Variants in LRRC41 observed in about 807,000 individuals in gnomAD.
LRRC41 encodes leucine rich repeat containing 41, also known as leucine-rich repeat-containing protein 41.
LRRC41 carries 17 observed loss-of-function variants against 72.1 expected under a neutral mutation model. The observed-to-expected ratio is 0.24, with a 90% CI of 0.16 to 0.35. The LOEUF is 0.35. LRRC41 is among the 10% of genes least tolerant of loss of function. LRRC41 has a pLI of 1.00. For synonymous variants in LRRC41, 427 were observed against 431.0 expected, an observed-to-expected ratio of 0.99 and a Z score of 0.11; for missense variants, 759 against 1,065.0, an observed-to-expected ratio of 0.71 and a Z score of 4.00.
rs144396030 is a variant in LRRC41, at chr1:46,302,997, A to G, written c.199+127T>C. 35 of 1,307,954 alleles carry G rather than the reference A, an allele frequency of 2.7e-5. No individual in the cohort carries two copies. The East Asian group carries it at 1.1e-3, about 41-fold the overall frequency. The allele number at this position is 1,307,954 out of a possible 1,614,324, so 81.0% of individuals were successfully genotyped here. A position where few individuals can be genotyped will look rare whatever the true frequency, so the allele number is the denominator to read the frequency against. Reference sequence around the variant, plus strand: ...GTCACAAAATTCATTCTCCGATCCTACGAGCTGGCTTTCAGCGCCCCAGGC... The same window carrying G: ...GTCACAAAATTCATTCTCCGATCCTGCGAGCTGGCTTTCAGCGCCCCAGGC... On this transcript the variant is annotated intron_variant, in intron 1 of 9. Transcript: ENST00000617190. This position sits in a 1 kb window ranked among gnomAD's most constrained non-coding sequence, Gnocchi z 4.7.
Position 46,302,430 on chromosome 1 carries a change from ACGGTCGCT to A in LRRC41, c.199+686_199+693del. The stretch of plus-strand genomic sequence containing the variant: ...CGGCGCTCCCTGTCCTGCGGGTCGC[ACGGTCGCT>A]CGGTCGCTTAGTCAGTTTGGCACCC... On this transcript the variant is annotated intron_variant, in intron 1 of 9. Transcript: ENST00000617190. The surrounding 1 kb of genome is among the most constrained non-coding windows in gnomAD (Gnocchi z 4.7). The A allele has an allele frequency of 3.0e-6, 3 of 984,854 alleles. No homozygotes were observed. Among genetic ancestry groups the A allele is most frequent in the Non-Finnish European group, 3.6e-6 (3 of 829,810 alleles). The allele number at this position is 984,854 out of a possible 1,614,324, so 61.0% of individuals were successfully genotyped here.
Position 46,303,484 on chromosome 1 carries a change from T to C in LRRC41, c.-162A>G, listed in dbSNP as rs1661293435. On this transcript the variant is annotated 5_prime_UTR_variant, in exon 1 of 10. Transcript: ENST00000617190. ...TTTCCAAGTCTCTTAGGAGCTACTATTTTAGATAAACTCCTAGATCAATTA... is the reference window on the plus strand; with the variant it reads ...TTTCCAAGTCTCTTAGGAGCTACTACTTTAGATAAACTCCTAGATCAATTA... 3 of 779,344 alleles carry C rather than the reference T, an allele frequency of 3.8e-6. No homozygotes were observed. Among genetic ancestry groups the C allele is most frequent in the Non-Finnish European group, 6.0e-6 (3 of 503,044 alleles). The allele number at this position is 779,344 out of a possible 1,614,324, so 48.3% of individuals were successfully genotyped here. A position where few individuals can be genotyped will look rare whatever the true frequency, so the allele number is the denominator to read the frequency against.
At chr1:46,294,687 T>C (rs992741738) in intron 3 of LRRC41, among the ~76,000 whole-genome samples, 18 of 145,690 alleles carry the variant, frequency 1.2e-4, no homozygotes, top group Admixed American at 1.2e-3. Flanking sequence ...CTCTGCCTCC[T>C]GGGTTCAAGC....
chr1:46,291,561 T>TG (rs1312777541), intron 3 of LRRC41, among the ~76,000 whole-genome samples: 6 of 139,972 alleles, frequency 4.3e-5, no homozygotes, highest in African/African-American at 1.6e-4. Flanking sequence ...GGTTTTTTTT[T>TG]TTTTTTTTTT....
chr1:46,303,596 G>C lies in LRRC41; in HGVS notation c.-274C>G. ...CAGCTACCCCTAACCTCTGCCTGCG[G>C]CTGGTAGTACATGCCAATCTGAGCA... On this transcript the variant is annotated 5_prime_UTR_variant, in exon 1 of 10. Transcript: ENST00000617190. The C allele has an allele frequency of 9.8e-7, 1 of 1,016,280 alleles. No individual in the cohort carries two copies. The highest frequency in any genetic ancestry group is 1.6e-5 in the African/African-American group (1 of 62,194). The allele number at this position is 1,016,280 out of a possible 1,614,324, so 63.0% of individuals were successfully genotyped here.
Position 46,286,535 on chromosome 1 carries a change from T to C in LRRC41, c.358-36A>G. 1.3e-6 allele frequency: 2 copies of C among 1,549,052 alleles called. No homozygotes were observed. Among genetic ancestry groups the C allele is most frequent in the South Asian group, 2.5e-5 (2 of 80,746 alleles). ...GAAAACATGCCAGACAGCCATGATA[T>C]ATCCATGAAACTGTCCAAATTTCCC... On this transcript the variant is annotated intron_variant, in intron 3 of 9. Coordinates refer to ENST00000617190, the MANE Select transcript of LRRC41 (RefSeq NM_006369.5). The surrounding 1 kb of genome is among the most constrained non-coding windows in gnomAD (Gnocchi z 5.5).
Position 46,278,412 on chromosome 1 carries a change from A to C in LRRC41, c.*453T>G. ...AAGAAGGGCTGCATGATGTTTGCCC[A>C]AAATTTATTTTATAAGAAAAACTTT... is the stretch of plus-strand genomic sequence containing the variant. On this transcript the variant is annotated 3_prime_UTR_variant, in exon 10 of 10. Coordinates refer to ENST00000617190, the MANE Select transcript of LRRC41 (RefSeq NM_006369.5). The C allele has an allele frequency of 9.1e-7, 1 of 1,098,666 alleles. No homozygotes were observed. Among genetic ancestry groups the C allele is most frequent in the South Asian group, 1.4e-5 (1 of 70,744 alleles). 68.1% of individuals were successfully genotyped at this position (1,098,666 alleles called of 1,614,324 possible).
At chr1:46,292,129 TGTG>T (rs899336749) in intron 3 of LRRC41, among the ~76,000 whole-genome samples, 4 of 151,702 alleles carry the variant, frequency 2.6e-5, no homozygotes, top group Non-Finnish European at 4.4e-5. Flanking sequence ...GCCTGGCCAA[TGTG>T]GTGAAACCTT....
intron 3 of LRRC41, among the ~76,000 whole-genome samples, chr1:46,291,150 C>T (rs992158772): frequency 1.3e-4 from 20 of 152,016 alleles, no homozygotes; most frequent in African/African-American, 4.8e-4. Context: ...GTCTTGAACT[C>T]CTGACCTCAA....
chr1:46,279,199 G>A lies in LRRC41; in HGVS notation c.2202C>T (p.Leu734=), dbSNP rs1660714018. 4 of 1,614,138 alleles carry A rather than the reference G, an allele frequency of 2.5e-6. No homozygotes were observed. The highest frequency in any genetic ancestry group is 3.4e-6 in the Non-Finnish European group (4 of 1,180,002). Reference sequence around the variant, plus strand: ...TCATGTACCTGATGTCCAGCTGACAGAGAGAGGAGGATGAATCCTCTGAGA... The same window carrying A: ...TCATGTACCTGATGTCCAGCTGACAAAGAGAGGAGGATGAATCCTCTGAGA... ...DVFSEDSSSS[L]CQLDISSNCI... is the part of the protein sequence containing the mutation. Residue 734 remains leucine (L), a synonymous_variant, in exon 9 of 10, where the codon CTC becomes CTT. Coordinates refer to ENST00000617190, the MANE Select transcript of LRRC41 (RefSeq NM_006369.5). The surrounding 1 kb of genome is among the most constrained non-coding windows in gnomAD (Gnocchi z 4.5).
At chr1:46,289,666 C>T (rs1195669178) in intron 3 of LRRC41, among the ~76,000 whole-genome samples, 2 of 152,032 alleles carry the variant, frequency 1.3e-5, no homozygotes, top group African/African-American at 4.8e-5. Flanking sequence ...GAGGCTGAGG[C>T]AGGAGAATGG....
intron 4 of LRRC41, 93 bp from the exon 5 acceptor site, chr1:46,281,478 CA>C: frequency 8.0e-7 from 1 of 1,248,556 alleles, no homozygotes; most frequent in Non-Finnish European, 1.1e-6. Context: ...TGGTTACTAG[CA>C]AATCTCTTGG....
chr1:46,279,485 C>T lies in LRRC41; in HGVS notation c.2143+7G>A. The T allele has an allele frequency of 6.2e-7, 1 of 1,614,208 alleles. No individual in the cohort carries two copies. Among genetic ancestry groups the T allele is most frequent in the Non-Finnish European group, 8.5e-7 (1 of 1,180,026 alleles). ...TCCCCTCTCCCTCCCCAGGGTCTGG[C>T]CCCCACCCAGGCGGTTCCCTGGCAG... On this transcript the variant is annotated splice_region_variant and intron_variant, in intron 8 of 9. Transcript: ENST00000617190. The surrounding 1 kb of genome is among the most constrained non-coding windows in gnomAD (Gnocchi z 4.5).
intron 3 of LRRC41, among the ~76,000 whole-genome samples, chr1:46,294,341 C>T (rs755505825): frequency 5.0e-4 from 76 of 150,984 alleles, no homozygotes; most frequent in African/African-American, 1.8e-3. Context: ...CTCGTAAGCT[C>T]AAGCAATCCA....
chr1:46,303,514 TG>T lies in LRRC41; in HGVS notation c.-193del. Reference sequence around the variant, plus strand: ...GATAAACTCCTAGATCAATTATACTTGGGTGTGGTATGACTAAGGGGATGTT... The same window carrying T: ...GATAAACTCCTAGATCAATTATACTTGGTGTGGTATGACTAAGGGGATGTT... On this transcript the variant is annotated 5_prime_UTR_variant, in exon 1 of 10. An upstream open reading frame in the 5' UTR gains an earlier in-frame stop. Transcript: ENST00000617190. The T allele has an allele frequency of 1.4e-6, 1 of 738,084 alleles. No individual in the cohort carries two copies. Among genetic ancestry groups the T allele is most frequent in the East Asian group, 2.7e-5 (1 of 36,778 alleles). 45.7% of individuals were successfully genotyped at this position (738,084 alleles called of 1,614,324 possible).
chr1:46,303,191 G>T lies in LRRC41; in HGVS notation c.132C>A (p.Pro44=), dbSNP rs754079702. 2 of 1,574,042 alleles carry T rather than the reference G, an allele frequency of 1.3e-6. No individual in the cohort carries two copies. Among genetic ancestry groups the T allele is most frequent in the Admixed American group, 1.8e-5 (1 of 56,274 alleles). The change falls in exon 1 of 10, where the codon CCC becomes CCA. Residue 44 remains proline (P), a synonymous_variant. Coordinates refer to ENST00000617190, the MANE Select transcript of LRRC41 (RefSeq NM_006369.5). ...KSSASGPNAP[P]ALFELCGRAV... is the part of the protein sequence containing the mutation. ...CCCGCCCGCACAGCTCGAACAGGGC[G>T]GGGGGAGCGTTGGGGCCCGAGGCCG...
At chr1:46,290,933 T>G (rs1293408084) in intron 3 of LRRC41, among the ~76,000 whole-genome samples, 2 of 146,534 alleles carry the variant, frequency 1.4e-5, no homozygotes, top group African/African-American at 5.0e-5. Flanking sequence ...TTTTTTTTTT[T>G]TTTTTTTTTT....
intron 4 of LRRC41, among the ~76,000 whole-genome samples, chr1:46,284,608 T>C (rs1660846812): frequency 6.6e-6 from 1 of 152,094 alleles, no homozygotes; most frequent in Admixed American, 6.5e-5. Context: ...TCTTCTATTC[T>C]GGTAAAGAAG....
rs1175728937 is a variant in LRRC41 at position 46,278,271 on chromosome 1, G to A, written c.*594C>T. ...CCAGCGTTCTCATGAGGAGCAGCGG[G>A]GCCTCCGCTGATAACCAGCTGGTCT... On this transcript the variant is annotated 3_prime_UTR_variant, in exon 10 of 10. Transcript: ENST00000617190. 1 of 1,612,508 alleles carries A rather than the reference G, an allele frequency of 6.2e-7. No homozygotes were observed. Among genetic ancestry groups the A allele is most frequent in the Non-Finnish European group, 8.5e-7 (1 of 1,179,524 alleles).
Sources: allele counts gnomAD v4.1 joint callset (sites outside exome capture counted in the v4.1 genomes callset), GRCh38; gene constraint gnomAD v4.1.1; non-coding constraint Gnocchi (gnomAD v3.1); transcripts MANE v1.5; gene names NCBI Gene and HGNC (gene_info 2026-07-23, HGNC 2026-07-21).